KIF13A: variants seen among roughly 807,000 people sequenced by gnomAD.
The protein encoded by KIF13A is kinesin family member 13A.
KIF13A carries 79 observed loss-of-function variants against 212.2 expected under a neutral mutation model. The observed-to-expected ratio is 0.37, with a 90% CI of 0.31 to 0.45. KIF13A has a LOEUF of 0.45. Ranked by LOEUF, KIF13A falls within the 20% of genes least tolerant of loss-of-function variation. The pLI is 1.00. For synonymous variants in KIF13A, 789 were observed against 808.6 expected (o/e 0.98, Z 0.41); for missense variants, 1,901 against 2,209.0 (o/e 0.86, Z 2.79).
chr6:17,812,558 C>CGTTTT (rs1478676016), intron 17 of KIF13A: 1 of 152,128 alleles, frequency 6.6e-6, no homozygotes, highest in African/African-American at 2.4e-5. Flanking sequence ...ACATGTACCA[C>CGTTTT]GTTTTCTTTA....
At chr6:17,943,322 G>A (rs184750109) in intron 2 of KIF13A, among the ~76,000 whole-genome samples, 4 of 151,590 alleles carry the variant, frequency 2.6e-5, no homozygotes, top group Admixed American at 6.6e-5. Flanking sequence ...TGTTTAATTC[G>A]ATGGCAGTAT....
chr6:17,930,470 G>T (rs1226926767), intron 2 of KIF13A, among the ~76,000 whole-genome samples: 2 of 152,078 alleles, frequency 1.3e-5, no homozygotes, highest in Non-Finnish European at 2.9e-5. Context: ...CTGGAAACAG[G>T]GTAATAGGAA....
At position 17,956,705 on chromosome 6, in the gene KIF13A, T is replaced by A. The variant is rs144418251; in HGVS notation, c.146+30349A>T. Among the ~76,000 whole-genome samples the A allele has an allele frequency of 1.8e-3, 271 of 152,144 alleles. 6 individuals are homozygous for A. The highest frequency in any genetic ancestry group is 0.016 in the Admixed American group (247 of 15,286). Reference sequence around the variant, plus strand: ...GGAATAGATTCTCTCTCGCCGACCTTCTCCTGTCCTCTAATCTGGCTGTGG... The same window carrying A: ...GGAATAGATTCTCTCTCGCCGACCTACTCCTGTCCTCTAATCTGGCTGTGG... On this transcript the variant is annotated intron_variant, in intron 2 of 38. Coordinates refer to ENST00000259711, the MANE Select transcript of KIF13A (RefSeq NM_022113.6).
chr6:17,827,150 A>T (rs1422175550), intron 14 of KIF13A, among the ~76,000 whole-genome samples: 1 of 152,114 alleles, frequency 6.6e-6, no homozygotes, highest in Non-Finnish European at 1.5e-5. Context: ...GCTGGAGTGC[A>T]ATGGAGCAAC....
chr6:17,967,951 C>T lies in KIF13A; in HGVS notation c.146+19103G>A, dbSNP rs1054785444. Among the ~76,000 whole-genome samples, 4 of 152,132 alleles carry T rather than the reference C, an allele frequency of 2.6e-5. No individual in the cohort carries two copies. The highest frequency in any genetic ancestry group is 5.9e-5 in the Non-Finnish European group (4 of 68,024). Reference sequence around the variant, plus strand: ...GCTTATTTAAAAATATAAATAAAAACAGGTTCAAAGCTATCCCCTGTAGAC... The same window carrying T: ...GCTTATTTAAAAATATAAATAAAAATAGGTTCAAAGCTATCCCCTGTAGAC... On this transcript the variant is annotated intron_variant, in intron 2 of 38. Coordinates refer to ENST00000259711, the MANE Select transcript of KIF13A (RefSeq NM_022113.6). The surrounding 1 kb of genome is among the most constrained non-coding windows in gnomAD (Gnocchi z 4.1).
rs548634614 is a variant in KIF13A at position 17,782,056 on chromosome 6, C to A, written c.3545-755G>T. The stretch of plus-strand genomic sequence containing the variant: ...AGTTCAAGCGGTTTTCCTGCCTCAA[C>A]CTCCCGAGCAGCTGGGACTACAGGT... On this transcript the variant is annotated intron_variant, in intron 29 of 38. Transcript: ENST00000259711. 2.5e-3 allele frequency among the ~76,000 whole-genome samples: 381 copies of A among 152,218 alleles called. 3 individuals are homozygous for A. Among genetic ancestry groups the A allele is most frequent in the Non-Finnish European group, 2.6e-3 (178 of 68,020 alleles).
chr6:17,870,453 GAA>G (rs892372425), intron 4 of KIF13A, among the ~76,000 whole-genome samples: 4 of 144,036 alleles, frequency 2.8e-5, no homozygotes, highest in Non-Finnish European at 4.6e-5. Context: ...TTTCTGGTTT[GAA>G]AAAAAAAAAG....
chr6:17,846,680 C>T (rs1046179214), intron 9 of KIF13A, among the ~76,000 whole-genome samples: 10 of 150,588 alleles, frequency 6.6e-5, no homozygotes, highest in African/African-American at 2.2e-4. Flanking sequence ...TTCAACCAGT[C>T]ATTATGAAAA....
At position 17,796,711 on chromosome 6, in the gene KIF13A, T is replaced by C. The variant is rs1363961771; in HGVS notation, c.2900A>G (p.Glu967Gly). 2 of 1,586,626 alleles carry C rather than the reference T, an allele frequency of 1.3e-6. No individual in the cohort carries two copies. Among genetic ancestry groups the C allele is most frequent in the South Asian group, 2.3e-5 (2 of 87,542 alleles). ...TGTCTTAGCATGAAGAGAATCGACC[T>C]CCCAGATGGAGCTGCCATTTCCAGC... ...RCAGNGSSIW[E>G]VDSLHAKTRT... Residue 967 changes from glutamate (E) to glycine (G), a missense_variant, in exon 23 of 39, where the codon GAG becomes GGG. Physicochemically the swap from Glu to Gly is moderately conservative, Grantham distance 98. Coordinates refer to ENST00000259711, the MANE Select transcript of KIF13A (RefSeq NM_022113.6).
chr6:17,786,505 C>T lies in KIF13A; in HGVS notation c.3362-864G>A, dbSNP rs1761066469. 6.6e-6 allele frequency among the ~76,000 whole-genome samples: 1 copy of T among 152,012 alleles called. No individual in the cohort carries two copies. Among genetic ancestry groups the T allele is most frequent in the Non-Finnish European group, 1.5e-5 (1 of 68,008 alleles). ...GTCCCAGCTACTCAGGAGACTGAGG[C>T]AGGAGAATTGCTTGAACCTGGGAGG... is the stretch of plus-strand genomic sequence containing the variant. On this transcript the variant is annotated intron_variant, in intron 27 of 38. Transcript: ENST00000259711. This position sits in a 1 kb window ranked among gnomAD's most constrained non-coding sequence, Gnocchi z 5.4.
At chr6:17,854,626 A>G (rs1348170543) in intron 6 of KIF13A, among the ~76,000 whole-genome samples, 1 of 128,144 alleles carries the variant, frequency 7.8e-6, no homozygotes, top group Non-Finnish European at 1.6e-5. Context: ...CGTGATCTCA[A>G]CTCACTGCAA....
At chr6:17,956,153 G>C (rs1161527540) in intron 2 of KIF13A, among the ~76,000 whole-genome samples, 1 of 152,174 alleles carries the variant, frequency 6.6e-6, no homozygotes, top group Admixed American at 6.5e-5. Flanking sequence ...GTAAGATGCA[G>C]GTATTATCAT....
chr6:17,975,139 T>C (rs1403962906), intron 2 of KIF13A, among the ~76,000 whole-genome samples: 5 of 152,068 alleles, frequency 3.3e-5, no homozygotes, highest in African/African-American at 7.2e-5. Flanking sequence ...AGGTCAGCAG[T>C]TTAAGGCCAG....
intron 12 of KIF13A, among the ~76,000 whole-genome samples, chr6:17,833,710 G>C (rs543962989): frequency 6.6e-6 from 1 of 151,708 alleles, no homozygotes; most frequent in African/African-American, 2.4e-5. Context: ...ATAAAAATTA[G>C]CCAGGCATGG....
Position 17,783,320 on chromosome 6 carries a change from A to G in KIF13A, c.3544+326T>C, listed in dbSNP as rs1397688065. Among the ~76,000 whole-genome samples, 1 of 152,250 alleles carries G rather than the reference A, an allele frequency of 6.6e-6. No individual in the cohort carries two copies. Among genetic ancestry groups the G allele is most frequent in the Non-Finnish European group, 1.5e-5 (1 of 68,048 alleles). On this transcript the variant is annotated intron_variant, in intron 29 of 38. Coordinates refer to ENST00000259711, the MANE Select transcript of KIF13A (RefSeq NM_022113.6). This position sits in a 1 kb window ranked among gnomAD's most constrained non-coding sequence, Gnocchi z 4.3. Reference sequence around the variant, plus strand: ...CTATTTGAGGAGAGTTAAGGGCACTAGTCAGAGATGCAGATTCATAGGCCC... The same window carrying G: ...CTATTTGAGGAGAGTTAAGGGCACTGGTCAGAGATGCAGATTCATAGGCCC...
chr6:17,911,768 ATT>A lies in KIF13A; in HGVS notation c.147-13590_147-13589del, dbSNP rs34415921. 2.5e-4 allele frequency among the ~76,000 whole-genome samples: 36 copies of A among 143,350 alleles called. No homozygotes were observed. In the East Asian group the frequency reaches 5.5e-3, roughly 22 times the overall value. The allele number at this position is 143,350 out of a possible 152,430, so 94.0% of individuals were successfully genotyped here. A position where few individuals can be genotyped will look rare whatever the true frequency, so the allele number is the denominator to read the frequency against. On this transcript the variant is annotated intron_variant, in intron 2 of 38. Transcript: ENST00000259711. ...AGCAAGGTGACTATAGTCAATAATAATTTTTTTTTTTTTTGAGACAGATTCTC... is the reference window on the plus strand; with the variant it reads ...AGCAAGGTGACTATAGTCAATAATAATTTTTTTTTTTTGAGACAGATTCTC...
At position 17,783,384 on chromosome 6, in the gene KIF13A, A is replaced by T. The variant is rs986888154; in HGVS notation, c.3544+262T>A. Among the ~76,000 whole-genome samples the T allele has an allele frequency of 2.0e-5, 3 of 152,226 alleles. No individual in the cohort carries two copies. The highest frequency in any genetic ancestry group is 7.2e-5 in the African/African-American group (3 of 41,460). On this transcript the variant is annotated intron_variant, in intron 29 of 38. Coordinates refer to ENST00000259711, the MANE Select transcript of KIF13A (RefSeq NM_022113.6). This position sits in a 1 kb window ranked among gnomAD's most constrained non-coding sequence, Gnocchi z 4.3. ...AGACTCAGAATCTCTAGGGGTGATT[A>T]CTTTCCAGGGTAATTTCTATGTCCA... is the stretch of plus-strand genomic sequence containing the variant.
intron 9 of KIF13A, among the ~76,000 whole-genome samples, chr6:17,842,735 TC>T (rs1313419030): frequency 6.6e-6 from 1 of 151,876 alleles, no homozygotes; most frequent in African/African-American, 2.4e-5. Flanking sequence ...TTTAAAAAAA[TC>T]TATCAATCAT....
intron 2 of KIF13A, among the ~76,000 whole-genome samples, chr6:17,925,041 C>T (rs1218026365): frequency 2.0e-5 from 3 of 152,082 alleles, no homozygotes; most frequent in Admixed American, 1.3e-4. Flanking sequence ...AATTAAATTC[C>T]CTTCTTCCTC....
Sources: gnomAD v4.1 joint callset for allele counts (sites outside exome capture counted in the v4.1 genomes callset) on GRCh38, gnomAD v4.1.1 for gene constraint, Gnocchi (gnomAD v3.1) non-coding constraint, MANE v1.5 for transcripts, NCBI Gene and HGNC (gene_info 2026-07-23, HGNC 2026-07-21) for gene names.